Variants in PTPN4 observed in about 807,000 individuals in gnomAD.
The protein encoded by PTPN4 is protein tyrosine phosphatase non-receptor type 4.
A neutral mutation model predicts 135.5 loss-of-function variants in PTPN4; 49 were observed. The observed-to-expected ratio is 0.36, with a 90% CI of 0.29 to 0.46. The LOEUF (loss-of-function observed/expected upper bound fraction) is 0.46, where lower values mean the gene tolerates loss of function less well. Among genes scored for constraint, PTPN4 ranks in the 20% least tolerant of loss-of-function variants. The probability of loss-of-function intolerance (pLI) is 1.00; values close to 1 mark genes in which losing one functional copy is unlikely to be tolerated. For synonymous variants in PTPN4, 333 were observed against 369.9 expected (o/e 0.90, Z 1.14); for missense variants, 860 against 1,101.0 (o/e 0.78, Z 3.10).
intron 9 of PTPN4, among the ~76,000 whole-genome samples, chr2:119,895,299 A>G (rs949493625): frequency 6.6e-6 from 1 of 152,202 alleles, no homozygotes; most frequent in Admixed American, 6.5e-5. Flanking sequence ...GCGTTATCGT[A>G]CTGTTAACAT....
intron 2 of PTPN4, among the ~76,000 whole-genome samples, chr2:119,860,673 A>T (rs924587481): frequency 1.3e-5 from 2 of 152,240 alleles, no homozygotes; most frequent in Admixed American, 1.3e-4. Flanking sequence ...GTGGTAAAAT[A>T]TATTGCTATT....
chr2:119,963,385 A>G (rs1401372247), intron 24 of PTPN4, among the ~76,000 whole-genome samples: 5 of 152,204 alleles, frequency 3.3e-5, no homozygotes, highest in Admixed American at 2.6e-4. Flanking sequence ...TGCTAGAGAC[A>G]GTGCACCCTA....
At chr2:119,822,220 C>T (rs1028656960) in intron 2 of PTPN4, among the ~76,000 whole-genome samples, 1 of 152,184 alleles carries the variant, frequency 6.6e-6, no homozygotes, top group African/African-American at 2.4e-5. Context: ...GTTTCTCACA[C>T]TTATCCTCCA....
At chr2:119,836,676 A>G (rs1211968829) in intron 2 of PTPN4, among the ~76,000 whole-genome samples, 1 of 152,246 alleles carries the variant, frequency 6.6e-6, no homozygotes, top group Admixed American at 6.5e-5. Flanking sequence ...CGCGGGGTCC[A>G]GGAAGCCCCT....
intron 3 of PTPN4, among the ~76,000 whole-genome samples, chr2:119,874,623 A>G (rs528222128): frequency 6.6e-6 from 1 of 152,184 alleles, no homozygotes; most frequent in Non-Finnish European, 1.5e-5. Flanking sequence ...GGAAGGGTAC[A>G]TTGAGACTGA....
At chr2:119,773,012 T>C (rs1015268606) in intron 1 of PTPN4, among the ~76,000 whole-genome samples, 3 of 152,196 alleles carry the variant, frequency 2.0e-5, no homozygotes, top group Admixed American at 1.3e-4. Context: ...TATGAGATTG[T>C]AGAACTGAAC....
chr2:119,880,672 C>A (rs1440763866), intron 5 of PTPN4, among the ~76,000 whole-genome samples: 2 of 151,586 alleles, frequency 1.3e-5, no homozygotes, highest in Non-Finnish European at 2.9e-5. Flanking sequence ...GATCTCCTGA[C>A]CTTGTGATCT....
chr2:119,809,770 G>T, intron 1 of PTPN4, 67 bp from the exon 2 acceptor site: 2 of 1,315,088 alleles, frequency 1.5e-6, no homozygotes, highest in Non-Finnish European at 2.0e-6. Flanking sequence ...TAATAACTTT[G>T]CCTTTTAAAC....
chr2:119,819,802 A>G (rs1677038308), intron 2 of PTPN4, among the ~76,000 whole-genome samples: 1 of 152,228 alleles, frequency 6.6e-6, no homozygotes, highest in Non-Finnish European at 1.5e-5. Context: ...TAAATATTTT[A>G]GCCTATGCCC....
intron 10 of PTPN4, among the ~76,000 whole-genome samples, chr2:119,911,933 C>T (rs1678577471): frequency 6.6e-6 from 1 of 152,096 alleles, no homozygotes; most frequent in East Asian, 1.9e-4. Context: ...TGGTATTTGA[C>T]CACCAGAAAT....
chr2:119,894,544 AT>A (rs993817085), intron 9 of PTPN4, among the ~76,000 whole-genome samples: 2 of 152,306 alleles, frequency 1.3e-5, no homozygotes, highest in African/African-American at 2.4e-5. Flanking sequence ...GCATACAAAC[AT>A]TTTTTTCATC....
chr2:119,879,624 T>C (rs2105000186), intron 5 of PTPN4, among the ~76,000 whole-genome samples: 1 of 152,184 alleles, frequency 6.6e-6, no homozygotes. Flanking sequence ...ATGCACAAGT[T>C]CCCCCAAATG....
intron 9 of PTPN4, among the ~76,000 whole-genome samples, chr2:119,899,505 G>T (rs2105014175): frequency 6.6e-6 from 1 of 152,142 alleles, no homozygotes; most frequent in Non-Finnish European, 1.5e-5. Flanking sequence ...TCCTCAAAAT[G>T]TCTGGTCCAT....
intron 1 of PTPN4, among the ~76,000 whole-genome samples, chr2:119,808,115 T>TA (rs1055348964): frequency 6.6e-6 from 1 of 152,154 alleles, no homozygotes; most frequent in African/African-American, 2.4e-5. Flanking sequence ...CCACAGCCAA[T>TA]ATCATACTGA....
intron 1 of PTPN4, among the ~76,000 whole-genome samples, chr2:119,768,047 A>T (rs1334737666): frequency 2.0e-5 from 3 of 152,214 alleles, no homozygotes; most frequent in Non-Finnish European, 4.4e-5. Context: ...ATTAGTTCAT[A>T]TTCTACTGAA....
chr2:119,808,438 CAGAG>C (rs947034962), intron 1 of PTPN4, among the ~76,000 whole-genome samples: 29 of 152,128 alleles, frequency 1.9e-4, no homozygotes, highest in Non-Finnish European at 2.2e-4. Flanking sequence ...CAATAACAGA[CAGAG>C]AGCCAAATCA....
chr2:119,942,692 T>C (rs1679077922), intron 15 of PTPN4, among the ~76,000 whole-genome samples: 1 of 152,176 alleles, frequency 6.6e-6, no homozygotes, highest in Admixed American at 6.5e-5. Flanking sequence ...TTTGTAAAGT[T>C]TTAGAGATTC....
At chr2:119,789,091 C>CT (rs547900319) in intron 1 of PTPN4, among the ~76,000 whole-genome samples, 3,030 of 142,636 alleles carry the variant, frequency 0.021, 51 homozygotes, top group Non-Finnish European at 0.033. Flanking sequence ...TTTCTTTTTT[C>CT]TTTTTTTTTT....
intron 1 of PTPN4, among the ~76,000 whole-genome samples, chr2:119,778,587 C>T (rs572493186): frequency 4.1e-4 from 62 of 152,062 alleles, no homozygotes; most frequent in African/African-American, 1.1e-3. Context: ...CTTTCTTGCA[C>T]GCACAGTACT....
Sources: gnomAD v4.1 joint callset for allele counts (sites outside exome capture counted in the v4.1 genomes callset) on GRCh38, gnomAD v4.1.1 for gene constraint, MANE v1.5 for transcripts, NCBI Gene and HGNC (gene_info 2026-07-23, HGNC 2026-07-21) for gene names.